Variants in CPNE9 observed in about 807,000 individuals in gnomAD.
The protein encoded by CPNE9 is copine-9.
CPNE9 carries 59 observed loss-of-function variants against 83.0 expected under a neutral mutation model. That is an observed-to-expected ratio of 0.71 (90% confidence interval 0.58 to 0.88). The LOEUF is 0.88. Among genes scored for constraint, CPNE9 ranks in the 40% least tolerant of loss-of-function variants. CPNE9 has a pLI of 0.00. For missense variants in CPNE9, 619 were observed against 720.8 expected (o/e 0.86, Z 1.62); for synonymous variants, 256 against 273.4 (o/e 0.94, Z 0.63).
Position 9,704,538 on chromosome 3 carries a change from G to A in CPNE9, c.69-49G>A. 6.6e-7 allele frequency: 1 copy of A among 1,519,386 alleles called. No individual in the cohort carries two copies. The allele number at this position is 1,519,386 out of a possible 1,614,324, so 94.1% of individuals were successfully genotyped here. On this transcript the variant is annotated intron_variant, in intron 1 of 20. Transcript: ENST00000383832. This position sits in a 1 kb window ranked among gnomAD's most constrained non-coding sequence, Gnocchi z 7.1. Reference sequence around the variant, plus strand: ...GCCCGGCTCAGAGCCGACTCGAGGCGGGCGGACTCCAGGATGATCCACTCT... The same window carrying A: ...GCCCGGCTCAGAGCCGACTCGAGGCAGGCGGACTCCAGGATGATCCACTCT...
rs1021052776 is a variant in CPNE9, at chr3:9,714,917, G to A, written c.654G>A (p.Thr218=). 10 of 1,613,538 alleles carry A rather than the reference G, an allele frequency of 6.2e-6. No homozygotes were observed. The highest frequency in any genetic ancestry group is 1.6e-4 in the Middle Eastern group (1 of 6,080). ...RALCNGDYDR[T]VKIDVYDWDR... ...ATGTTTATCTCCTACATTTCAGAAC[G>A]GTGAAGATTGATGTGTACGACTGGG... The change falls in exon 11 of 21, where the codon ACG becomes ACA. Residue 218 remains threonine (T), a synonymous_variant. Transcript: ENST00000383832.
Position 9,703,882 on chromosome 3 carries a change from A to AGCC in CPNE9, c.-101_-99dup, listed in dbSNP as rs887154966. ...GCGCACGCAGGGCTGGAGCGAGTGC[A>AGCC]GCCGCCGCCGCCGCCGACACCGCGG... On this transcript the variant is annotated 5_prime_UTR_variant, in exon 1 of 21. Transcript: ENST00000383832. 104 of 821,102 alleles carry AGCC rather than the reference A, an allele frequency of 1.3e-4. 1 individual carries two copies. Among genetic ancestry groups the AGCC allele is most frequent in the Middle Eastern group, 7.2e-4 (2 of 2,778 alleles). The allele number at this position is 821,102 out of a possible 1,614,324, so 50.9% of individuals were successfully genotyped here. A position where few individuals can be genotyped will look rare whatever the true frequency, so the allele number is the denominator to read the frequency against.
chr3:9,718,277 T>G, intron 16 of CPNE9, 67 bp downstream of exon 16: 2 of 1,496,372 alleles, frequency 1.3e-6, no homozygotes, highest in Non-Finnish European at 1.8e-6. Context: ...GATGATTTTG[T>G]TCTGTTTACA....
At position 9,729,866 on chromosome 3, in the gene CPNE9, C is replaced by T; in HGVS notation, c.*174C>T. On this transcript the variant is annotated 3_prime_UTR_variant, in exon 21 of 21. Transcript: ENST00000383832. ...TGCAGAGGGCCTGGCACTATCACCA[C>T]CTCTCTGCCTTCATGCCAATAATAA... The T allele has an allele frequency of 2.5e-6, 2 of 790,444 alleles. No homozygotes were observed. Among genetic ancestry groups the T allele is most frequent in the Non-Finnish European group, 3.8e-6 (2 of 528,150 alleles). 49.0% of individuals were successfully genotyped at this position (790,444 alleles called of 1,614,324 possible).
In CPNE9 at chr3:9,712,884, G is replaced by C. The variant is rs1404328348; in HGVS notation, c.545+56G>C. 6 of 1,573,576 alleles carry C rather than the reference G, an allele frequency of 3.8e-6. 1 individual carries two copies. In the South Asian group the frequency reaches 6.7e-5, roughly 17 times the overall value. On this transcript the variant is annotated intron_variant, in intron 9 of 20. Coordinates refer to ENST00000383832, the MANE Select transcript of CPNE9 (RefSeq NM_153635.3). ...GGGGTGGGCCATGTGCTTAACAAGTGGGGGAATCTCAGGAATCTCTGAGAG... is the reference window on the plus strand; with the variant it reads ...GGGGTGGGCCATGTGCTTAACAAGTCGGGGAATCTCAGGAATCTCTGAGAG...
In CPNE9 at chr3:9,712,794, T is replaced by G; in HGVS notation, c.511T>G (p.Phe171Val). The change falls in exon 9 of 21, where the codon TTC (phenylalanine) becomes GTC (valine). Residue 171 changes from phenylalanine (F) to valine (V), a missense_variant. Phe to Val is a conservative substitution (Grantham distance 50). Transcript: ENST00000383832. ...GGACTTCTTTGGGAAATCAGACCCCTTCCTTGTGTTCTACAGGAGCAATGA... is the reference window on the plus strand; with the variant it reads ...GGACTTCTTTGGGAAATCAGACCCCGTCCTTGTGTTCTACAGGAGCAATGA... ...KKDFFGKSDP[F>V]LVFYRSNEDG... 1 of 1,614,150 alleles carries G rather than the reference T, an allele frequency of 6.2e-7. No homozygotes were observed. Among genetic ancestry groups the G allele is most frequent in the Admixed American group, 1.7e-5 (1 of 60,022 alleles).
rs750994087 is a variant in CPNE9, at chr3:9,718,503, C to T, written c.1142C>T (p.Ala381Val). 4.8e-5 allele frequency: 77 copies of T among 1,613,320 alleles called. 3 individuals are homozygous for T. The Middle Eastern group carries it at 8.2e-3, about 171-fold the overall frequency. ...LNNNDEDPNCAGIEGVLESYF... is the reference protein window; with the variant it reads ...LNNNDEDPNCVGIEGVLESYF... ...AACAATGATGAGGACCCCAACTGTG[C>T]GGGCATCGAGGGTGTGCTGGAGAGC... The change falls in exon 17 of 21, where the codon GCG (alanine) becomes GTG (valine). Residue 381 changes from alanine to valine, a missense_variant. By Grantham distance (64) the Ala-to-Val change is moderately conservative (BLOSUM62 0). Coordinates refer to ENST00000383832, the MANE Select transcript of CPNE9 (RefSeq NM_153635.3).
chr3:9,720,090 T>C (rs1017308285), intron 17 of CPNE9, among the ~76,000 whole-genome samples: 3 of 151,000 alleles, frequency 2.0e-5, no homozygotes, highest in East Asian at 1.9e-4. Context: ...AACCAGAGGG[T>C]ATTAAAATAA....
intron 11 of CPNE9, 145 bp from the exon 12 acceptor site, chr3:9,715,144 C>G: frequency 1.0e-6 from 1 of 979,716 alleles, no homozygotes. Flanking sequence ...CGTTTTTCCC[C>G]TATGTTTGGC....
intron 18 of CPNE9, 97 bp downstream of exon 18, chr3:9,726,148 C>A (rs2076783076): frequency 4.2e-6 from 3 of 714,600 alleles, no homozygotes; most frequent in Admixed American, 6.3e-5. Context: ...AGTTAGCCTG[C>A]CAGTTTCATG....
At chr3:9,726,523 A>G in intron 18 of CPNE9, 142 bp from the exon 19 acceptor site, 1 of 652,612 alleles carries the variant, frequency 1.5e-6, no homozygotes, top group Non-Finnish European at 2.8e-6. Context: ...TTGAAAAAGT[A>G]GTCTGGGGCA....
chr3:9,722,461 T>G (rs1004274383), intron 17 of CPNE9, among the ~76,000 whole-genome samples: 2 of 151,936 alleles, frequency 1.3e-5, no homozygotes, highest in African/African-American at 4.8e-5. Context: ...GAACCAAAGA[T>G]GTACCTCCTG....
In CPNE9 at chr3:9,729,735, AC is replaced by A; in HGVS notation, c.*46del. 6.4e-7 allele frequency: 1 copy of A among 1,563,742 alleles called. No individual in the cohort carries two copies. Among genetic ancestry groups the A allele is most frequent in the Non-Finnish European group, 8.7e-7 (1 of 1,148,380 alleles). On this transcript the variant is annotated 3_prime_UTR_variant, in exon 21 of 21. Transcript: ENST00000383832. ...TGCCTCACAGTCTGCAAGCCTGCTC[AC>A]CCACTGCTTCTGCTTTAAGCCAGAG...
chr3:9,725,898 C>T, intron 17 of CPNE9, 51 bp from the exon 18 acceptor site: 1 of 1,393,042 alleles, frequency 7.2e-7, no homozygotes, highest in Non-Finnish European at 1.0e-6. Context: ...GTAAGGTGTT[C>T]CCTTGGCCTG....
At chr3:9,705,056 G>A in intron 4 of CPNE9, 62 bp downstream of exon 4, 2 of 1,269,642 alleles carry the variant, frequency 1.6e-6, no homozygotes, top group South Asian at 2.5e-5. Context: ...CCGGAATTCT[G>A]GCTGGCCCCA....
chr3:9,705,044 G>C (rs758109944), intron 4 of CPNE9, 50 bp downstream of exon 4: 7 of 1,383,506 alleles, frequency 5.1e-6, no homozygotes, highest in Non-Finnish European at 7.1e-6. Context: ...ACCTGGATCC[G>C]CCCGGAATTC....
intron 7 of CPNE9, among the ~76,000 whole-genome samples, chr3:9,710,456 G>A (rs1353400683): frequency 6.6e-6 from 1 of 152,212 alleles, no homozygotes; most frequent in East Asian, 1.9e-4. Context: ...GTCATTGGCT[G>A]AGAATGAGGA....
chr3:9,709,212 G>C (rs982940602), intron 7 of CPNE9, among the ~76,000 whole-genome samples: 20 of 147,044 alleles, frequency 1.4e-4, no homozygotes, highest in South Asian at 6.6e-4. Context: ...GGAGGCGGAG[G>C]TTGCAGTGAG....
intron 13 of CPNE9, 92 bp downstream of exon 13, chr3:9,715,618 C>G (rs2076675782): frequency 8.6e-6 from 9 of 1,051,738 alleles, no homozygotes; most frequent in Admixed American, 1.7e-5. Context: ...CAGGGCAAGA[C>G]AGTGGGCACA....
Sources: allele counts gnomAD v4.1 joint callset (sites outside exome capture counted in the v4.1 genomes callset), GRCh38; gene constraint gnomAD v4.1.1; non-coding constraint Gnocchi (gnomAD v3.1); transcripts MANE v1.5; gene names NCBI Gene and HGNC (gene_info 2026-07-23, HGNC 2026-07-21).